The following LAMB4 variants were observed in gnomAD, a reference collection of about 807,000 sequenced individuals.
LAMB4 encodes the protein laminin subunit beta-4.
In LAMB4, 196 loss-of-function variants were observed where a neutral mutation model predicts 199.2. The ratio of observed to expected loss-of-function variants is 0.98; its 90% CI spans 0.88 to 1.11. LAMB4 has a LOEUF of 1.11. Among genes scored for constraint, LAMB4 ranks in the 50% least tolerant of loss-of-function variants. The pLI is 0.00. For synonymous variants in LAMB4, 744 were observed against 770.6 expected (o/e 0.97, Z 0.57); for missense variants, 2,080 against 2,171.2 (o/e 0.96, Z 0.83).
intron 1 of LAMB4, among the ~76,000 whole-genome samples, chr7:108,125,667 A>C (rs750738751): frequency 6.6e-6 from 1 of 152,226 alleles, no homozygotes; most frequent in African/African-American, 2.4e-5. Flanking sequence ...ATGATGGGCT[A>C]ATCTTTTCCT....
chr7:108,089,916 G>C (rs529371668), intron 14 of LAMB4, among the ~76,000 whole-genome samples: 1 of 152,182 alleles, frequency 6.6e-6, no homozygotes, highest in South Asian at 2.1e-4. Flanking sequence ...TCCTGCCTTG[G>C]CCTCCCAAAG....
chr7:108,094,553 T>G (rs1049255848), intron 12 of LAMB4, among the ~76,000 whole-genome samples: 11 of 148,458 alleles, frequency 7.4e-5, no homozygotes, highest in Admixed American at 1.4e-4. Flanking sequence ...GTCACTGTTC[T>G]TTTATTAGGT....
chr7:108,079,392 T>C (rs1460753909), intron 15 of LAMB4, among the ~76,000 whole-genome samples: 2 of 152,216 alleles, frequency 1.3e-5, no homozygotes, highest in Non-Finnish European at 2.9e-5. Context: ...CAGCTGTAGC[T>C]TCTCTCCATG....
Position 108,092,417 on chromosome 7 carries a change from C to T in LAMB4, c.1471-1G>A. On this transcript the variant is annotated splice_acceptor_variant, in intron 12 of 33. Coordinates refer to ENST00000388781, the MANE Select transcript of LAMB4 (RefSeq NM_007356.3). LOFTEE classifies it high-confidence loss of function. ...GATTTCCCAGGCCCCAGTATCCAACCTACAGAGAAAAAATGCTCAGCTGAT... is the reference window on the plus strand; with the variant it reads ...GATTTCCCAGGCCCCAGTATCCAACTTACAGAGAAAAAATGCTCAGCTGAT... The T allele has an allele frequency of 6.2e-7, 1 of 1,613,240 alleles. No homozygotes were observed. Among genetic ancestry groups the T allele is most frequent in the Non-Finnish European group, 8.5e-7 (1 of 1,179,260 alleles).
rs551077270 is a variant in LAMB4, at chr7:108,053,515, G to T, written c.3756-1258C>A. On this transcript the variant is annotated intron_variant, in intron 25 of 33. Transcript: ENST00000388781. ...TGAGAAGATGGAGAAGGAAATACAG[G>T]CTTCTCTGTGAGGAAGTCAGGAAAG... is the stretch of plus-strand genomic sequence containing the variant. Among the ~76,000 whole-genome samples, 5 of 152,344 alleles carry T rather than the reference G, an allele frequency of 3.3e-5. No homozygotes were observed. In the East Asian group the frequency reaches 9.6e-4, roughly 29 times the overall value.
the LAMB4 span, among the ~76,000 whole-genome samples, chr7:108,016,262 CTT>C: frequency 2.8e-5 from 4 of 140,620 alleles, no homozygotes; most frequent in African/African-American, 1.1e-4. Context: ...TTTCAAATCT[CTT>C]GCATTTTGGA....
chr7:108,106,470 T>A (rs2038014945), intron 7 of LAMB4, 39 bp downstream of exon 7: 1 of 1,231,162 alleles, frequency 8.1e-7, no homozygotes, highest in East Asian at 2.3e-5. Context: ...ACATGAAATT[T>A]TTTTAAAGCT....
chr7:108,091,491 A>G, intron 14 of LAMB4, 135 bp downstream of exon 14: 1 of 975,390 alleles, frequency 1.0e-6, no homozygotes. Flanking sequence ...GCAGGTTATA[A>G]TAAACTCTGA....
intron 19 of LAMB4, 105 bp from the exon 20 acceptor site, chr7:108,066,705 T>G: frequency 1.4e-6 from 1 of 709,146 alleles, no homozygotes; most frequent in Non-Finnish European, 2.4e-6. Flanking sequence ...CCCAGTGAAC[T>G]AAGCAAGCCT....
At chr7:108,072,976 G>A (rs2036583181) in intron 17 of LAMB4, among the ~76,000 whole-genome samples, 1 of 152,176 alleles carries the variant, frequency 6.6e-6, no homozygotes, top group African/African-American at 2.4e-5. Flanking sequence ...GAACTGAGAA[G>A]ATAGACCAGA....
intron 5 of LAMB4, 58 bp downstream of exon 5, chr7:108,109,113 A>G: frequency 7.8e-7 from 1 of 1,276,516 alleles, no homozygotes; most frequent in Non-Finnish European, 1.1e-6. Context: ...AATTCCAGAT[A>G]AACACTGAGC....
intron 18 of LAMB4, among the ~76,000 whole-genome samples, chr7:108,069,292 G>T (rs920957945): frequency 6.6e-6 from 1 of 152,208 alleles, no homozygotes; most frequent in Admixed American, 6.5e-5. Flanking sequence ...CCGCAGCAAA[G>T]AATTACCCAG....
chr7:108,030,296 T>C (rs1325622087), intron 32 of LAMB4, among the ~76,000 whole-genome samples: 1 of 152,170 alleles, frequency 6.6e-6, no homozygotes, highest in Non-Finnish European at 1.5e-5. Context: ...CAACCAAAGG[T>C]TTCTTGCTAG....
chr7:108,065,872 C>T lies in LAMB4; in HGVS notation c.2726G>A (p.Arg909His), dbSNP rs146445677. 31 of 1,613,946 alleles carry T rather than the reference C, an allele frequency of 1.9e-5. No homozygotes were observed. The highest frequency in any genetic ancestry group is 1.1e-4 in the African/African-American group (8 of 74,908). ...YGNPSSGQPC[R>H]PCLCPDDPSS... ...GGGATCATCTGGACACAGGCAAGGACGACAGGGCTGTCCTGAAGAAGGATT... is the reference window on the plus strand; with the variant it reads ...GGGATCATCTGGACACAGGCAAGGATGACAGGGCTGTCCTGAAGAAGGATT... The change falls in exon 21 of 34, where the codon CGT becomes CAT. Residue 909 changes from arginine (R) to histidine (H), a missense_variant. By Grantham distance (29) the Arg-to-His change is conservative. Coordinates refer to ENST00000388781, the MANE Select transcript of LAMB4 (RefSeq NM_007356.3).
intron 33 of LAMB4, among the ~76,000 whole-genome samples, chr7:108,025,659 C>T (rs749898446): frequency 1.3e-5 from 2 of 152,060 alleles, no homozygotes; most frequent in African/African-American, 2.4e-5. Flanking sequence ...AACTCCCAAC[C>T]TCAGGTGATC....
chr7:108,049,582 TTATA>T, intron 26 of LAMB4, 51 bp from the exon 27 acceptor site: 1 of 1,023,224 alleles, frequency 9.8e-7, no homozygotes, highest in Non-Finnish European at 1.5e-6. Flanking sequence ...ACAAATGAAA[TTATA>T]TATAAGTTAT....
chr7:108,088,331 T>A (rs1166998188), intron 14 of LAMB4, among the ~76,000 whole-genome samples: 1 of 152,046 alleles, frequency 6.6e-6, no homozygotes, highest in African/African-American at 2.4e-5. Context: ...CCCAGCTAAT[T>A]TTTGTATTTT....
rs753402546 is a variant in LAMB4 at position 108,069,808 on chromosome 7, G to A, written c.2202C>T (p.Asn734=). Residue 734 remains asparagine, a synonymous_variant, in exon 18 of 34, where the codon AAC becomes AAT. Transcript: ENST00000388781. ...CCATTGCTGAGGCAATTTCAACACAGTTGTGAAGCTGATACTCATCTAAGT... is the reference window on the plus strand; with the variant it reads ...CCATTGCTGAGGCAATTTCAACACAATTGTGAAGCTGATACTCATCTAAGT... ...KQDLDEYQLH[N]CVEIASAMGP... The A allele has an allele frequency of 3.1e-6, 5 of 1,614,062 alleles. No homozygotes were observed. The highest frequency in any genetic ancestry group is 4.2e-6 in the Non-Finnish European group (5 of 1,179,934).
intron 2 of LAMB4, among the ~76,000 whole-genome samples, chr7:108,119,711 A>G (rs73725348): frequency 0.043 from 6,500 of 152,182 alleles, 427 homozygotes; most frequent in African/African-American, 0.15. Flanking sequence ...TGGGCACATA[A>G]ATCTATATGG....
Sources: gnomAD v4.1 joint callset for allele counts (sites outside exome capture counted in the v4.1 genomes callset) on GRCh38, gnomAD v4.1.1 for gene constraint, MANE v1.5 for transcripts, NCBI Gene and HGNC (gene_info 2026-07-23, HGNC 2026-07-21) for gene names.